ZSWIM9: variants seen among roughly 807,000 people sequenced by gnomAD.
ZSWIM9 encodes the protein zinc finger SWIM-type containing 9.
ZSWIM9 carries 11 observed loss-of-function variants against 25.0 expected under a neutral mutation model. That is an observed-to-expected ratio of 0.44 (90% CI 0.28 to 0.73). The LOEUF (loss-of-function observed/expected upper bound fraction) is 0.73. Ranked by LOEUF, ZSWIM9 falls within the 30% of genes least tolerant of loss-of-function variation. The pLI is 0.16. For synonymous variants in ZSWIM9, 562 were observed against 582.1 expected, an observed-to-expected ratio of 0.97 and a Z score of 0.50; for missense variants, 1,070 against 1,296.5, an observed-to-expected ratio of 0.83 and a Z score of 2.68.
intron 3 of ZSWIM9, among the ~76,000 whole-genome samples, chr19:48,187,443 TTATATATTATATATTAATTATATATATTA>T (rs1568579389): frequency 2.3e-5 from 2 of 86,910 alleles, no homozygotes; most frequent in Non-Finnish European, 4.4e-5. Flanking sequence ...ATTATATATA[TTATATATTATATATTAATTATATATATTA>T]TATATATTAT....
At chr19:48,172,347 C>T (rs186922448) in intron 2 of ZSWIM9, among the ~76,000 whole-genome samples, 89 of 150,678 alleles carry the variant, frequency 5.9e-4, no homozygotes, top group African/African-American at 2.1e-3. Context: ...GATGGAGTCT[C>T]GCTCTGTCGC....
intron 3 of ZSWIM9, among the ~76,000 whole-genome samples, chr19:48,187,429 T>TATATTATATATTATATATTAATTATA (rs1568579337): frequency 1.9e-5 from 2 of 103,986 alleles, no homozygotes; most frequent in Non-Finnish European, 3.6e-5. Flanking sequence ...ATATATTATA[T>TATATTATATATTATATATTAATTATA]TATATTATAT....
chr19:48,179,701 G>A (rs901671585), intron 2 of ZSWIM9, among the ~76,000 whole-genome samples: 2 of 152,094 alleles, frequency 1.3e-5, no homozygotes, highest in South Asian at 2.1e-4. Context: ...TGGAACATTC[G>A]GCAGCAGTAA....
intron 3 of ZSWIM9, among the ~76,000 whole-genome samples, chr19:48,187,443 T>TTATATTATAATATATTATATTA (rs2037029757): frequency 1.2e-5 from 1 of 86,910 alleles, no homozygotes; most frequent in Non-Finnish European, 2.2e-5. Context: ...ATTATATATA[T>TTATATTATAATATATTATATTA]TATATATTAT....
At chr19:48,174,017 T>C (rs928920332) in intron 2 of ZSWIM9, among the ~76,000 whole-genome samples, 21 of 152,008 alleles carry the variant, frequency 1.4e-4, no homozygotes, top group African/African-American at 4.6e-4. Flanking sequence ...CATGTTTCCA[T>C]TGGCAGACGG....
Position 48,182,948 on chromosome 19 carries a change from C to T in ZSWIM9, c.588+181C>T. On this transcript the variant is annotated intron_variant, in intron 3 of 3. Transcript: ENST00000614654. This position sits in a 1 kb window ranked among gnomAD's most constrained non-coding sequence, Gnocchi z 4.6. ...GGGATGCAGCAGCAAACCAGACCCA[C>T]GTGGTCTCTGTCCGCAGAGAGCTTA... is the stretch of plus-strand genomic sequence containing the variant. The T allele has an allele frequency of 5.0e-6, 3 of 604,850 alleles. No homozygotes were observed. The highest frequency in any genetic ancestry group is 8.7e-6 in the Non-Finnish European group (3 of 342,876). The allele number at this position is 604,850 out of a possible 1,614,324, so 37.5% of individuals were successfully genotyped here.
At chr19:48,172,674 G>A (rs562491740) in intron 2 of ZSWIM9, among the ~76,000 whole-genome samples, 31 of 152,098 alleles carry the variant, frequency 2.0e-4, no homozygotes, top group African/African-American at 6.5e-4. Flanking sequence ...GCGCCACCAC[G>A]CCTGGCCAAT....
intron 3 of ZSWIM9, among the ~76,000 whole-genome samples, chr19:48,188,466 A>G (rs1367488057): frequency 1.3e-5 from 2 of 151,798 alleles, no homozygotes; most frequent in Non-Finnish European, 2.9e-5. Context: ...TGGCCTGGTG[A>G]TCTGCCTGCC....
rs2036964964 is a variant in ZSWIM9 at position 48,182,766 on chromosome 19, A to T, written c.587A>T (p.Lys196Met). 6.6e-7 allele frequency: 1 copy of T among 1,523,430 alleles called. No individual in the cohort carries two copies. Among genetic ancestry groups the T allele is most frequent in the African/African-American group, 1.4e-5 (1 of 72,780 alleles). 94.4% of individuals were successfully genotyped at this position (1,523,430 alleles called of 1,614,324 possible). A position where few individuals can be genotyped will look rare whatever the true frequency, so the allele number is the denominator to read the frequency against. Residue 196 changes from lysine to methionine, a missense_variant and splice_region_variant, in exon 3 of 4, where the codon AAG (lysine) becomes ATG (methionine). Coordinates refer to ENST00000614654, the MANE Select transcript of ZSWIM9 (RefSeq NM_199341.4). This position sits in a 1 kb window ranked among gnomAD's most constrained non-coding sequence, Gnocchi z 4.6. Reference sequence around the variant, plus strand: ...CTCTTCCGCACCGACCCCGAGGCCAAGGTGGGGTCTCGAGAGAGGCAGGCC... The same window carrying T: ...CTCTTCCGCACCGACCCCGAGGCCATGGTGGGGTCTCGAGAGAGGCAGGCC... ...EGLFRTDPEAKVKLVFVEDQA... is the reference protein window; with the variant it reads ...EGLFRTDPEAMVKLVFVEDQA...
At chr19:48,186,203 G>T (rs1319251) in intron 3 of ZSWIM9, among the ~76,000 whole-genome samples, 11,112 of 151,994 alleles carry the variant, frequency 0.073, 1,338 homozygotes, top group African/African-American at 0.25. Context: ...ATGTCTGTAT[G>T]TTTAACTTTA....
chr19:48,186,958 G>A (rs997845237), intron 3 of ZSWIM9, among the ~76,000 whole-genome samples: 4 of 152,138 alleles, frequency 2.6e-5, no homozygotes, highest in African/African-American at 9.7e-5. Flanking sequence ...AGTAAGGGGA[G>A]AGGGGAAACG....
intron 3 of ZSWIM9, chr19:48,193,129 G>A (rs922602700): frequency 6.5e-6 from 1 of 154,928 alleles, no homozygotes; most frequent in Non-Finnish European, 1.5e-5. Context: ...TGCACGCCAG[G>A]TGTCCTTCCA....
In ZSWIM9 at chr19:48,197,440, T is replaced by C; in HGVS notation, c.*613T>C. The C allele has an allele frequency of 1.6e-6, 1 of 610,636 alleles. No homozygotes were observed. The highest frequency in any genetic ancestry group is 2.9e-6 in the Non-Finnish European group (1 of 342,814). The allele number at this position is 610,636 out of a possible 1,614,324, so 37.8% of individuals were successfully genotyped here. ...ACAAAAGAAATGTGTGGGAGACGGG[T>C]AGAGACGAAATGCAAGGGGCGTGGT... On this transcript the variant is annotated 3_prime_UTR_variant, in exon 4 of 4. Transcript: ENST00000614654.
chr19:48,180,643 G>A (rs1363217687), intron 2 of ZSWIM9: 3 of 152,140 alleles, frequency 2.0e-5, no homozygotes, highest in African/African-American at 4.8e-5. Flanking sequence ...GCCATGGAAG[G>A]CAGCATATGC....
rs190359301 is a variant in ZSWIM9 at position 48,193,684 on chromosome 19, C to T, written c.589-969C>T. On this transcript the variant is annotated intron_variant, in intron 3 of 3. Coordinates refer to ENST00000614654, the MANE Select transcript of ZSWIM9 (RefSeq NM_199341.4). ...GTTGGGAAGTCACAGAAGAGCGGGACGTGATGTTTGAACAGAGACGATAAT... is the reference window on the plus strand; with the variant it reads ...GTTGGGAAGTCACAGAAGAGCGGGATGTGATGTTTGAACAGAGACGATAAT... Among the ~76,000 whole-genome samples, 108 of 152,238 alleles carry T rather than the reference C, an allele frequency of 7.1e-4. No homozygotes were observed. The Middle Eastern group carries it at 0.017, about 24-fold the overall frequency.
At chr19:48,183,443 A>G (rs926165576) in intron 3 of ZSWIM9, among the ~76,000 whole-genome samples, 1 of 150,334 alleles carries the variant, frequency 6.7e-6, no homozygotes, top group African/African-American at 2.5e-5. Flanking sequence ...TATTCTAATT[A>G]ATTGAAATTT....
chr19:48,196,477 G>C lies in ZSWIM9; in HGVS notation c.2413G>C (p.Glu805Gln). The C allele has an allele frequency of 8.1e-7, 1 of 1,232,662 alleles. No individual in the cohort carries two copies. The highest frequency in any genetic ancestry group is 4.1e-5 in the South Asian group (1 of 24,322). 76.4% of individuals were successfully genotyped at this position (1,232,662 alleles called of 1,614,324 possible). A position where few individuals can be genotyped will look rare whatever the true frequency, so the allele number is the denominator to read the frequency against. The part of the protein sequence containing the change: ...LQEGGEDGPR[E>Q]PKRLCRPPGE... Reference sequence around the variant, plus strand: ...GGAAGGAGGCGAAGATGGCCCCAGGGAACCAAAGAGGCTTTGCCGACCCCC... The same window carrying C: ...GGAAGGAGGCGAAGATGGCCCCAGGCAACCAAAGAGGCTTTGCCGACCCCC... The change falls in exon 4 of 4, where the codon GAA (glutamate) becomes CAA (glutamine). Residue 805 changes from glutamate (E) to glutamine (Q), a missense_variant. Coordinates refer to ENST00000614654, the MANE Select transcript of ZSWIM9 (RefSeq NM_199341.4).
Position 48,194,991 on chromosome 19 carries a change from G to A in ZSWIM9, c.927G>A (p.Leu309=), listed in dbSNP as rs1046392959. The A allele has an allele frequency of 1.2e-4, 158 of 1,339,960 alleles. 1 individual carries two copies. In the African/African-American group the frequency reaches 2.3e-3, roughly 19 times the overall value. 83.0% of individuals were successfully genotyped at this position (1,339,960 alleles called of 1,614,324 possible). Residue 309 remains leucine (L), a synonymous_variant, in exon 4 of 4, where the codon CTG becomes CTA. Coordinates refer to ENST00000614654, the MANE Select transcript of ZSWIM9 (RefSeq NM_199341.4). The surrounding 1 kb of genome is among the most constrained non-coding windows in gnomAD (Gnocchi z 6.0). ...AGTTGCCTGCAGTGCGCCAGCTGCTGCCCTGCGCGCGCGTGCAGATCTGCC... is the reference window on the plus strand; with the variant it reads ...AGTTGCCTGCAGTGCGCCAGCTGCTACCCTGCGCGCGCGTGCAGATCTGCC... ...AAQLPAVRQL[L]PCARVQICRA...
chr19:48,182,703 A>C lies in ZSWIM9; in HGVS notation c.524A>C (p.Asp175Ala). 1 of 1,535,500 alleles carries C rather than the reference A, an allele frequency of 6.5e-7. No individual in the cohort carries two copies. Among genetic ancestry groups the C allele is most frequent in the Non-Finnish European group, 8.7e-7 (1 of 1,146,512 alleles). The part of the protein sequence containing the change: ...RRLLSYCKGR[D>A]HGVLDALHVL... ...CTGCTGTCCTACTGCAAGGGCCGCG[A>C]CCACGGCGTCCTGGACGCCCTGCAC... is the stretch of plus-strand genomic sequence containing the variant. The change falls in exon 3 of 4, where the codon GAC becomes GCC. Residue 175 changes from aspartate to alanine, a missense_variant. By Grantham distance (126) the Asp-to-Ala change is moderately radical. Coordinates refer to ENST00000614654, the MANE Select transcript of ZSWIM9 (RefSeq NM_199341.4). This position sits in a 1 kb window ranked among gnomAD's most constrained non-coding sequence, Gnocchi z 4.6.
Sources: allele counts gnomAD v4.1 joint callset (sites outside exome capture counted in the v4.1 genomes callset), GRCh38; gene constraint gnomAD v4.1.1; non-coding constraint Gnocchi (gnomAD v3.1); transcripts MANE v1.5; gene names NCBI Gene and HGNC (gene_info 2026-07-23, HGNC 2026-07-21).